Variants in MTMR8 observed in about 807,000 individuals in gnomAD.
MTMR8 encodes the protein phosphatidylinositol-3,5-bisphosphate 3-phosphatase MTMR8.
Under a neutral mutation model 39.3 loss-of-function variants are expected in MTMR8, and 65 were observed. That is an observed-to-expected ratio of 1.65 (90% CI 1.35 to 2.03). The LOEUF (loss-of-function observed/expected upper bound fraction) is 2.03. Ranked by LOEUF, MTMR8 falls within the 30% of genes most tolerant of loss-of-function variation. The pLI is 0.00. For missense variants in MTMR8, 777 were observed against 538.9 expected, an observed-to-expected ratio of 1.44 and a Z score of -4.37; for synonymous variants, 245 against 185.2, an observed-to-expected ratio of 1.32 and a Z score of -2.62.
intron 12 of MTMR8, among the ~76,000 whole-genome samples, chrX:64,321,283 T>C (rs1377870178): frequency 2.7e-5 from 3 of 112,067 alleles, no homozygotes; most frequent in Non-Finnish European, 5.6e-5. Context: ...TCAACTGTTT[T>C]AAATATGCTC....
In MTMR8 at chrX:64,300,562, T is replaced by C. The variant is rs1306815705; in HGVS notation, c.1481+28210A>G. Reference sequence around the variant, plus strand: ...CAGTCTGTGTCTTTTAATTGGAGAATTTAGTCCATTTACATTTAAAGTTAA... The same window carrying C: ...CAGTCTGTGTCTTTTAATTGGAGAACTTAGTCCATTTACATTTAAAGTTAA... On this transcript the variant is annotated intron_variant, in intron 12 of 13. Transcript: ENST00000374852. Among the ~76,000 whole-genome samples, 5 of 106,539 alleles carry C rather than the reference T, an allele frequency of 4.7e-5. No individual in the cohort carries two copies. In the East Asian group the frequency reaches 1.5e-3, roughly 32 times the overall value. 92.5% of individuals were successfully genotyped at this position (106,539 alleles called of 115,157 possible).
At position 64,278,459 on chromosome X, in the gene MTMR8, G is replaced by GTTTTTTTTTTT. The variant is rs1931928205; in HGVS notation, c.1482-7387_1482-7386insAAAAAAAAAAA. Among the ~76,000 whole-genome samples, 34 of 49,849 alleles carry GTTTTTTTTTTT rather than the reference G, an allele frequency of 6.8e-4. 11 individuals carry two copies. The highest frequency in any genetic ancestry group is 3.5e-3 in the African/African-American group (31 of 8,736). 43.3% of individuals were successfully genotyped at this position (49,849 alleles called of 115,157 possible). A position where few individuals can be genotyped will look rare whatever the true frequency, so the allele number is the denominator to read the frequency against. The stretch of plus-strand genomic sequence containing the variant: ...TGATGTTGATGCTATTTATTTTGCT[G>GTTTTTTTTTTT]GTTTTTTTTTTTTTTTTTTTTTTTT... On this transcript the variant is annotated intron_variant, in intron 12 of 13. Transcript: ENST00000374852.
chrX:64,387,308 G>A (rs1924585035), intron 1 of MTMR8, among the ~76,000 whole-genome samples: 1 of 110,894 alleles, frequency 9.0e-6, no homozygotes. Context: ...CTCAACAAGA[G>A]GAAAAACTGG....
chrX:64,320,957 C>G (rs747136813), intron 12 of MTMR8, among the ~76,000 whole-genome samples: 10 of 111,808 alleles, frequency 8.9e-5, no homozygotes, highest in South Asian at 3.7e-4. Context: ...TATCTGAGAA[C>G]TAAGCTAACT....
At chrX:64,301,578 G>A (rs1298505880) in intron 12 of MTMR8, among the ~76,000 whole-genome samples, 54 of 111,943 alleles carry the variant, frequency 4.8e-4, no homozygotes, top group Non-Finnish European at 6.8e-4. Context: ...CTCTCAGCTC[G>A]TCAAAGTCAT....
At chrX:64,381,058 T>A (rs867822827) in intron 1 of MTMR8, among the ~76,000 whole-genome samples, 1 of 112,320 alleles carries the variant, frequency 8.9e-6, no homozygotes, top group Non-Finnish European at 1.9e-5. Context: ...TAAACATATG[T>A]GCACATGTGT....
intron 8 of MTMR8, among the ~76,000 whole-genome samples, chrX:64,341,472 T>A (rs1368828198): frequency 1.2e-4 from 9 of 74,156 alleles, no homozygotes; most frequent in African/African-American, 4.4e-4. Flanking sequence ...AGAGCAAAAC[T>A]CTGTCTCAAA....
At chrX:64,390,331 T>C (rs1275684967) in intron 1 of MTMR8, among the ~76,000 whole-genome samples, 6 of 112,474 alleles carry the variant, frequency 5.3e-5, no homozygotes, top group South Asian at 7.3e-4. Context: ...ATTAACATAC[T>C]ACAAAGTGTT....
At chrX:64,370,450 T>C (rs1295471264) in intron 1 of MTMR8, among the ~76,000 whole-genome samples, 2 of 111,355 alleles carry the variant, frequency 1.8e-5, no homozygotes, top group Non-Finnish European at 3.8e-5. Flanking sequence ...CATTCACATG[T>C]TCTCTTGTTG....
intron 1 of MTMR8, among the ~76,000 whole-genome samples, chrX:64,365,183 T>G (rs1202597658): frequency 9.0e-6 from 1 of 111,080 alleles, no homozygotes; most frequent in Admixed American, 9.6e-5. Flanking sequence ...TGGAAAACAC[T>G]TTTCAGGATA....
chrX:64,390,927 G>A (rs1924675926), intron 1 of MTMR8, among the ~76,000 whole-genome samples: 1 of 111,812 alleles, frequency 8.9e-6, no homozygotes, highest in African/African-American at 3.3e-5. Context: ...CAAAATGTTG[G>A]GATTACAGGC....
At chrX:64,275,689 A>AT (rs1479822088) in intron 12 of MTMR8, among the ~76,000 whole-genome samples, 1 of 108,778 alleles carries the variant, frequency 9.2e-6, no homozygotes, top group Non-Finnish European at 1.9e-5. Context: ...AGAAGTGTTT[A>AT]TTTTTTGGAA....
intron 12 of MTMR8, among the ~76,000 whole-genome samples, chrX:64,273,080 T>C (rs1438575884): frequency 9.0e-6 from 1 of 110,576 alleles, no homozygotes; most frequent in African/African-American, 3.3e-5. Context: ...AAAATGAAAA[T>C]GAAAGAATGC....
In MTMR8 at chrX:64,363,141, G is replaced by A. The variant is rs140323200; in HGVS notation, c.25-3614C>T. Among the ~76,000 whole-genome samples, 422 of 111,736 alleles carry A rather than the reference G, an allele frequency of 3.8e-3. 4 individuals carry two copies. Among genetic ancestry groups the A allele is most frequent in the African/African-American group, 0.013 (407 of 30,761 alleles). On this transcript the variant is annotated intron_variant, in intron 1 of 13. Coordinates refer to ENST00000374852, the MANE Select transcript of MTMR8 (RefSeq NM_017677.4). ...ACTACAACCAGGGGGTTACAGATAC[G>A]TGGGGACCATTCGGAAGGGCAATCT...
chrX:64,345,072 G>T lies in MTMR8; in HGVS notation c.838C>A (p.Arg280=). 8.3e-7 allele frequency: 1 copy of T among 1,210,835 alleles called. No homozygotes were observed. The highest frequency in any genetic ancestry group is 1.1e-6 in the Non-Finnish European group (1 of 894,864). Residue 280 remains arginine (R), a synonymous_variant, in exon 7 of 14, where the codon CGG becomes AGG. Coordinates refer to ENST00000374852, the MANE Select transcript of MTMR8 (RefSeq NM_017677.4). ...FMGIENIHVM[R]SSLQKLLEVC... ...TCCAAGAGTTTCTGCAGACTGCTCC[G>T]CATTACATGGATGTTCTCAATGCCC...
rs1282095688 is a variant in MTMR8, at chrX:64,270,962, C to A, written c.1593G>T (p.Val531=). 3 of 1,207,371 alleles carry A rather than the reference C, an allele frequency of 2.5e-6. No homozygotes were observed. The highest frequency in any genetic ancestry group is 6.0e-5 in the East Asian group (2 of 33,571). ...KKQRAMLETD[V]HELEKKLKVR... is the part of the protein sequence containing the mutation. ...TTCTCCTCACCTTTTCTAGTTCATGCACATCTGTCTCCAGCATTGCTCTCT... is the reference window on the plus strand; with the variant it reads ...TTCTCCTCACCTTTTCTAGTTCATGAACATCTGTCTCCAGCATTGCTCTCT... Residue 531 remains valine (V), a synonymous_variant, in exon 13 of 14, where the codon GTG becomes GTT. Coordinates refer to ENST00000374852, the MANE Select transcript of MTMR8 (RefSeq NM_017677.4).
chrX:64,282,003 C>G (rs952206340), intron 12 of MTMR8, among the ~76,000 whole-genome samples: 1 of 109,748 alleles, frequency 9.1e-6, no homozygotes, highest in Non-Finnish European at 1.9e-5. Context: ...TAGAGAAACA[C>G]AAATCAAAAC....
intron 12 of MTMR8, among the ~76,000 whole-genome samples, chrX:64,327,631 T>C (rs1271511231): frequency 3.6e-5 from 4 of 112,372 alleles, no homozygotes; most frequent in African/African-American, 9.7e-5. Context: ...TTCCTAAAAA[T>C]ATAAAAAGAG....
chrX:64,373,282 TC>T (rs1924175746), intron 1 of MTMR8, among the ~76,000 whole-genome samples: 1 of 111,427 alleles, frequency 9.0e-6, no homozygotes, highest in African/African-American at 3.3e-5. Flanking sequence ...TGAATTGTAA[TC>T]CCCAATGTTA....
Sources: gnomAD v4.1 joint callset for allele counts (sites outside exome capture counted in the v4.1 genomes callset) on GRCh38, gnomAD v4.1.1 for gene constraint, MANE v1.5 for transcripts, NCBI Gene and HGNC (gene_info 2026-07-23, HGNC 2026-07-21) for gene names.